The following VAV3 variants were observed in gnomAD, a reference collection of about 807,000 sequenced individuals.
VAV3 encodes the protein guanine nucleotide exchange factor VAV3.
VAV3 carries 94 observed loss-of-function variants against 131.2 expected under a neutral mutation model. The observed-to-expected ratio is 0.72, with a 90% confidence interval of 0.61 to 0.85. VAV3 has a LOEUF of 0.85. Among genes scored for constraint, VAV3 ranks in the 40% least tolerant of loss-of-function variants. The probability of loss-of-function intolerance (pLI) is 0.00; values close to 1 mark genes in which losing one functional copy is unlikely to be tolerated. For synonymous variants in VAV3, 349 were observed against 342.0 expected (o/e 1.02, Z -0.22); for missense variants, 939 against 1,002.7 (o/e 0.94, Z 0.86).
chr1:107,925,739 G>A (rs1003107190), intron 1 of VAV3, among the ~76,000 whole-genome samples: 1 of 152,056 alleles, frequency 6.6e-6, no homozygotes, highest in Non-Finnish European at 1.5e-5. Context: ...GGGAAGATGA[G>A]CTCTGGAGAT....
chr1:107,638,923 C>T (rs1655131483), intron 20 of VAV3, among the ~76,000 whole-genome samples: 1 of 151,750 alleles, frequency 6.6e-6, no homozygotes, highest in Non-Finnish European at 1.5e-5. Context: ...GATACACACA[C>T]ATATAAAGAT....
At chr1:107,763,686 T>G (rs989526053) in intron 9 of VAV3, among the ~76,000 whole-genome samples, 2 of 152,176 alleles carry the variant, frequency 1.3e-5, no homozygotes, top group Non-Finnish European at 2.9e-5. Context: ...GTCAACATAA[T>G]GAAGGAATAT....
intron 2 of VAV3, among the ~76,000 whole-genome samples, chr1:107,830,244 C>T (rs915024542): frequency 2.0e-5 from 3 of 151,286 alleles, no homozygotes; most frequent in African/African-American, 4.9e-5. Context: ...GCTCTATCAC[C>T]CAGGGTGGAG....
chr1:107,911,669 C>T (rs1346582995), intron 1 of VAV3, among the ~76,000 whole-genome samples: 1 of 152,136 alleles, frequency 6.6e-6, no homozygotes, highest in Non-Finnish European at 1.5e-5. Context: ...GCTGCTAGAG[C>T]AAGAAAAGTA....
intron 1 of VAV3, among the ~76,000 whole-genome samples, chr1:107,918,135 T>G (rs941768199): frequency 7.2e-5 from 11 of 152,192 alleles, no homozygotes; most frequent in African/African-American, 2.7e-4. Context: ...TATTCATGTA[T>G]GTCCAGGTCC....
chr1:107,653,743 GCTAA>G (rs1557736027), intron 19 of VAV3, among the ~76,000 whole-genome samples: 2 of 152,030 alleles, frequency 1.3e-5, no homozygotes, highest in African/African-American at 4.8e-5. Flanking sequence ...ATAGGAGGAG[GCTAA>G]CTATGTGTCT....
At chr1:107,757,387 A>C in intron 10 of VAV3, 58 bp from the exon 11 acceptor site, 1 of 1,381,954 alleles carries the variant, frequency 7.2e-7, no homozygotes, top group East Asian at 2.3e-5. Flanking sequence ...AGACATACTA[A>C]AGAAAACATT....
chr1:107,766,476 C>A lies in VAV3; in HGVS notation c.792G>T (p.Leu264Phe). 6.2e-7 allele frequency: 1 copy of A among 1,613,160 alleles called. No individual in the cohort carries two copies. The part of the protein sequence containing the change: ...DSIVNKNDQN[L>F]YQVFINYKER... ...CCTTGTAGTTAATAAAAACTTGGTA[C>A]AAGTTCTGGTCATTTTTATTTACAA... The change falls in exon 8 of 27, where the codon TTG (leucine) becomes TTT (phenylalanine). Residue 264 changes from leucine (L) to phenylalanine (F), a missense_variant. Transcript: ENST00000370056.
intron 19 of VAV3, among the ~76,000 whole-genome samples, chr1:107,673,914 AT>A (rs1271627963): frequency 6.6e-6 from 1 of 152,220 alleles, no homozygotes; most frequent in African/African-American, 2.4e-5. Flanking sequence ...TTTTCCGAAT[AT>A]TTTAAGATAA....
intron 19 of VAV3, among the ~76,000 whole-genome samples, chr1:107,662,452 G>C (rs1326691466): frequency 2.0e-5 from 3 of 152,146 alleles, no homozygotes; most frequent in African/African-American, 7.2e-5. Context: ...ATGTCACAGG[G>C]ATATAAGTTA....
chr1:107,764,824 C>T (rs1015602230), intron 9 of VAV3, among the ~76,000 whole-genome samples: 1 of 152,110 alleles, frequency 6.6e-6, no homozygotes, highest in Non-Finnish European at 1.5e-5. Context: ...TTAATTGTAC[C>T]TATTTCACAG....
chr1:107,769,832 C>G (rs12563783), intron 6 of VAV3, among the ~76,000 whole-genome samples: 12,639 of 152,200 alleles, frequency 0.083, 805 homozygotes, highest in East Asian at 0.28. Context: ...TTACTTAATT[C>G]ATCATCCAAT....
chr1:107,838,011 T>C (rs551775718), intron 2 of VAV3, among the ~76,000 whole-genome samples: 4 of 152,196 alleles, frequency 2.6e-5, no homozygotes, highest in East Asian at 1.9e-4. Context: ...TCAAAAGCAA[T>C]TGTGACAAAA....
intron 12 of VAV3, 116 bp from the exon 13 acceptor site, chr1:107,751,318 T>G: frequency 1.2e-6 from 1 of 816,328 alleles, no homozygotes; most frequent in South Asian, 1.9e-5. Context: ...TGTTACCATT[T>G]TTTATACTTT....
chr1:107,948,930 A>G (rs897917660), intron 1 of VAV3, among the ~76,000 whole-genome samples: 1 of 152,234 alleles, frequency 6.6e-6, no homozygotes, highest in Non-Finnish European at 1.5e-5. Context: ...CAAGATTAAT[A>G]TGGTTTTTTA....
At chr1:107,593,656 G>A (rs886290686) in intron 25 of VAV3, among the ~76,000 whole-genome samples, 1 of 152,104 alleles carries the variant, frequency 6.6e-6, no homozygotes, top group African/African-American at 2.4e-5. Context: ...CAAACATGCA[G>A]CATTTCCTCC....
At chr1:107,738,392 C>A (rs1570867450) in intron 15 of VAV3, among the ~76,000 whole-genome samples, 1 of 152,202 alleles carries the variant, frequency 6.6e-6, no homozygotes, top group South Asian at 2.1e-4. Context: ...TGTCTTTTTA[C>A]AATGCAAACT....
intron 25 of VAV3, among the ~76,000 whole-genome samples, chr1:107,594,797 AC>A (rs1199975763): frequency 6.6e-6 from 1 of 151,980 alleles, no homozygotes; most frequent in East Asian, 1.9e-4. Context: ...TGACCTTCCT[AC>A]CTAATATGGG....
At chr1:107,650,667 T>C (rs1656093424) in intron 19 of VAV3, among the ~76,000 whole-genome samples, 1 of 150,368 alleles carries the variant, frequency 6.7e-6, no homozygotes, top group African/African-American at 2.5e-5. Context: ...CATTAACTCA[T>C]CATTTAGCAT....
Sources: gnomAD v4.1 joint callset for allele counts (sites outside exome capture counted in the v4.1 genomes callset) on GRCh38, gnomAD v4.1.1 for gene constraint, MANE v1.5 for transcripts, NCBI Gene and HGNC (gene_info 2026-07-23, HGNC 2026-07-21) for gene names.